The following LMAN2 variants were observed in gnomAD, a reference collection of about 807,000 sequenced individuals.
LMAN2 encodes the protein vesicular integral-membrane protein VIP36.
Under a neutral mutation model 39.3 loss-of-function variants are expected in LMAN2, and 22 were observed. That is an observed-to-expected ratio of 0.56 (90% CI 0.40 to 0.80). LMAN2 has a LOEUF of 0.80. LMAN2 is among the 30% of genes least tolerant of loss of function. The pLI, the probability that LMAN2 is intolerant of heterozygous loss-of-function variation, is 0.00. For missense variants in LMAN2, 494 were observed against 505.4 expected (o/e 0.98, Z 0.22); for synonymous variants, 207 against 207.8 (o/e 1.00, Z 0.03).
chr5:177,334,304 T>C lies in LMAN2; in HGVS notation c.890A>G (p.Asn297Ser). The part of the protein sequence containing the change: ...IDWTKIEPSV[N>S]FLKSPKDNVD... Reference sequence around the variant, plus strand: ...CGCACCTTTGGGCGACTTGAGGAAGTTGACGCTGGGCTCGATCTTGGTCCA... The same window carrying C: ...CGCACCTTTGGGCGACTTGAGGAAGCTGACGCTGGGCTCGATCTTGGTCCA... Residue 297 changes from asparagine (N) to serine (S), a missense_variant, in exon 7 of 8, where the codon AAC becomes AGC. Physicochemically the swap from Asn to Ser is conservative, Grantham distance 46. Coordinates refer to ENST00000303127, the MANE Select transcript of LMAN2 (RefSeq NM_006816.3). The C allele has an allele frequency of 3.1e-6, 5 of 1,612,484 alleles. No homozygotes were observed. The highest frequency in any genetic ancestry group is 2.2e-5 in the South Asian group (2 of 91,018).
chr5:177,339,049 G>A (rs1433151441), intron 2 of LMAN2, among the ~76,000 whole-genome samples: 1 of 152,238 alleles, frequency 6.6e-6, no homozygotes, highest in Non-Finnish European at 1.5e-5. Context: ...GTAACAACTT[G>A]TCCAGAGCAG....
At chr5:177,341,308 C>A (rs1436595280) in intron 2 of LMAN2, among the ~76,000 whole-genome samples, 1 of 151,938 alleles carries the variant, frequency 6.6e-6, no homozygotes, top group South Asian at 2.1e-4. Flanking sequence ...TAAGGTGATC[C>A]GCCCGTCTCG....
In LMAN2 at chr5:177,337,868, G is replaced by T; in HGVS notation, c.434-83C>A. On this transcript the variant is annotated intron_variant, in intron 3 of 7. Coordinates refer to ENST00000303127, the MANE Select transcript of LMAN2 (RefSeq NM_006816.3). This position sits in a 1 kb window ranked among gnomAD's most constrained non-coding sequence, Gnocchi z 8.2. ...CCTAAAAGGCAAGCAATGCCAACAT[G>T]GGTGGGGGCAAGAGAGCCCAACCCA... is the stretch of plus-strand genomic sequence containing the variant. The T allele has an allele frequency of 1.6e-6, 2 of 1,256,756 alleles. No homozygotes were observed. Among genetic ancestry groups the T allele is most frequent in the Non-Finnish European group, 2.3e-6 (2 of 874,052 alleles). The allele number at this position is 1,256,756 out of a possible 1,614,324, so 77.9% of individuals were successfully genotyped here. A position where few individuals can be genotyped will look rare whatever the true frequency, so the allele number is the denominator to read the frequency against.
At position 177,350,471 on chromosome 5, in the gene LMAN2, A is replaced by C. The variant is rs371349931; in HGVS notation, c.315+702T>G. 6.8e-4 allele frequency among the ~76,000 whole-genome samples: 104 copies of C among 152,262 alleles called. 1 individual carries two copies. In the South Asian group the frequency reaches 0.012, roughly 18 times the overall value. On this transcript the variant is annotated intron_variant, in intron 2 of 7. Transcript: ENST00000303127. ...CACATACTACATACTACATACTCTG[A>C]GGCAAAGGTCACAGACACTAGAACT...
chr5:177,340,043 C>A (rs553662413), intron 2 of LMAN2, among the ~76,000 whole-genome samples: 1 of 151,912 alleles, frequency 6.6e-6, no homozygotes, highest in East Asian at 1.9e-4. Flanking sequence ...TTGGGATTCC[C>A]GAGTAAGATG....
intron 2 of LMAN2, 151 bp downstream of exon 2, chr5:177,351,022 C>A (rs1359020810): frequency 1.5e-5 from 11 of 720,248 alleles, no homozygotes; most frequent in Non-Finnish European, 2.8e-5. Context: ...CAATACCCAT[C>A]GCCTCTTATT....
At chr5:177,343,155 T>C (rs1761582806) in intron 2 of LMAN2, among the ~76,000 whole-genome samples, 1 of 152,012 alleles carries the variant, frequency 6.6e-6, no homozygotes, top group Non-Finnish European at 1.5e-5. Context: ...TTCGGGAGGC[T>C]GAGGCAGGAA....
chr5:177,335,273 A>G (rs1410583697), intron 6 of LMAN2, among the ~76,000 whole-genome samples: 1 of 152,224 alleles, frequency 6.6e-6, no homozygotes, highest in East Asian at 1.9e-4. Context: ...GTCAGGCCCC[A>G]GTTCCCATCT....
At chr5:177,334,172 C>A (rs1761434110) in intron 7 of LMAN2, 112 bp downstream of exon 7, 5 of 1,468,732 alleles carry the variant, frequency 3.4e-6, no homozygotes, top group Non-Finnish European at 4.5e-6. Context: ...TCCAAGAGCC[C>A]AGACCACAAC....
At chr5:177,345,781 ATTTT>A (rs989779940) in intron 2 of LMAN2, among the ~76,000 whole-genome samples, 4 of 147,794 alleles carry the variant, frequency 2.7e-5, no homozygotes, top group Admixed American at 6.7e-5. Context: ...TTATTTATTT[ATTTT>A]TTGAGACAGT....
chr5:177,346,874 T>C (rs972310222), intron 2 of LMAN2, among the ~76,000 whole-genome samples: 3 of 152,062 alleles, frequency 2.0e-5, no homozygotes, highest in Non-Finnish European at 4.4e-5. Flanking sequence ...TGAGGAAAGC[T>C]AGAGAAGATC....
At chr5:177,348,883 C>CAA (rs11314255) in intron 2 of LMAN2, among the ~76,000 whole-genome samples, 4 of 83,266 alleles carry the variant, frequency 4.8e-5, no homozygotes, top group South Asian at 4.0e-4. Context: ...GACTCCGTCT[C>CAA]AAAAAAAAAA....
Position 177,337,573 on chromosome 5 carries a change from G to C in LMAN2, c.514-49C>G. ...CCACAAGCAGCCCAGCCTGTGGGGCGAGCAGGGGCACCCACCACCCCAATC... is the reference window on the plus strand; with the variant it reads ...CCACAAGCAGCCCAGCCTGTGGGGCCAGCAGGGGCACCCACCACCCCAATC... On this transcript the variant is annotated intron_variant, in intron 4 of 7. Coordinates refer to ENST00000303127, the MANE Select transcript of LMAN2 (RefSeq NM_006816.3). The surrounding 1 kb of genome is among the most constrained non-coding windows in gnomAD (Gnocchi z 8.2). The C allele has an allele frequency of 6.2e-7, 1 of 1,608,756 alleles. No homozygotes were observed. Among genetic ancestry groups the C allele is most frequent in the Non-Finnish European group, 8.5e-7 (1 of 1,176,076 alleles).
chr5:177,348,687 C>CAAAAAAA (rs35269220), intron 2 of LMAN2, among the ~76,000 whole-genome samples: 1 of 33,860 alleles, frequency 3.0e-5, no homozygotes. Context: ...GACTCTGTCT[C>CAAAAAAA]AAAAAAAAAA....
intron 3 of LMAN2, 139 bp downstream of exon 3, chr5:177,338,349 G>C: frequency 1.5e-6 from 1 of 673,688 alleles, no homozygotes; most frequent in South Asian, 1.7e-5. Context: ...CTTTATCCAC[G>C]GGAGGCAGCA....
At chr5:177,341,980 G>A (rs1761560194) in intron 2 of LMAN2, among the ~76,000 whole-genome samples, 1 of 151,880 alleles carries the variant, frequency 6.6e-6, no homozygotes, top group Admixed American at 6.6e-5. Context: ...GGAAAAATAG[G>A]ATAATAAAAA....
Position 177,351,497 on chromosome 5 carries a change from T to G in LMAN2, c.151A>C (p.Ser51Arg). 6.2e-7 allele frequency: 1 copy of G among 1,614,218 alleles called. No individual in the cohort carries two copies. Among genetic ancestry groups the G allele is most frequent in the African/African-American group, 1.3e-5 (1 of 75,086 alleles). Residue 51 changes from serine (S) to arginine (R), a missense_variant, in exon 1 of 8, where the codon AGT becomes CGT. By Grantham distance (110) the Ser-to-Arg change is moderately radical. Coordinates refer to ENST00000303127, the MANE Select transcript of LMAN2 (RefSeq NM_006816.3). ...GAATGCTCCCGCTTGAGATGTTCAC[T>G]GTTGCCGTCAGTTATATCCGCAGTC... ...SVTADITDGN[S>R]EHLKREHSLI... is the part of the protein sequence containing the mutation.
chr5:177,343,426 T>C (rs967986880), intron 2 of LMAN2, among the ~76,000 whole-genome samples: 2 of 152,138 alleles, frequency 1.3e-5, no homozygotes, highest in Non-Finnish European at 2.9e-5. Flanking sequence ...TTCCTGGGTA[T>C]ATACCCAAAA....
At chr5:177,349,980 G>A (rs568411275) in intron 2 of LMAN2, among the ~76,000 whole-genome samples, 12 of 152,290 alleles carry the variant, frequency 7.9e-5, no homozygotes, top group East Asian at 3.9e-4. Context: ...AGCCAGGGGG[G>A]GCTGGAACAA....
Sources: gnomAD v4.1 joint callset for allele counts (sites outside exome capture counted in the v4.1 genomes callset) on GRCh38, gnomAD v4.1.1 for gene constraint, Gnocchi (gnomAD v3.1) non-coding constraint, MANE v1.5 for transcripts, NCBI Gene and HGNC (gene_info 2026-07-23, HGNC 2026-07-21) for gene names.